Variants in SMYD3 observed in about 807,000 individuals in gnomAD.
SMYD3 encodes histone-lysine N-methyltransferase SMYD3.
A neutral mutation model predicts 57.7 loss-of-function variants in SMYD3; 36 were observed. That is an observed-to-expected ratio of 0.62 (90% confidence interval 0.48 to 0.82). The LOEUF (loss-of-function observed/expected upper bound fraction) is 0.82, where lower values mean the gene tolerates loss of function less well. SMYD3 is among the 40% of genes least tolerant of loss of function. The pLI, the probability that SMYD3 is intolerant of heterozygous loss-of-function variation, is 0.00. For missense variants in SMYD3, 515 were observed against 538.8 expected (o/e 0.96, Z 0.44); for synonymous variants, 211 against 195.0 (o/e 1.08, Z -0.68).
At chr1:245,965,074 A>G (rs1018021630) in intron 5 of SMYD3, among the ~76,000 whole-genome samples, 2 of 152,160 alleles carry the variant, frequency 1.3e-5, no homozygotes, top group Non-Finnish European at 2.9e-5. Context: ...ATATTTAAAA[A>G]AATACCCCAG....
chr1:245,835,818 T>C (rs2050078027), intron 10 of SMYD3, among the ~76,000 whole-genome samples: 2 of 152,226 alleles, frequency 1.3e-5, no homozygotes, highest in African/African-American at 2.4e-5. Context: ...ATCCAGGGTT[T>C]AGCAGGAGGC....
intron 1 of SMYD3, among the ~76,000 whole-genome samples, chr1:246,427,395 C>T (rs2067234027): frequency 6.6e-6 from 1 of 150,908 alleles, no homozygotes; most frequent in Admixed American, 6.6e-5. Flanking sequence ...TGGCGGGCGC[C>T]TGTAGTCCCA....
chr1:245,868,955 T>C lies in SMYD3; in HGVS notation c.814-5069A>G, dbSNP rs536918783. On this transcript the variant is annotated intron_variant, in intron 8 of 11. Coordinates refer to ENST00000490107, the MANE Select transcript of SMYD3 (RefSeq NM_001167740.2). ...GCATAATTTTAATCTTCTACTTTCCTAATTTGCAAATAGAAGAGTAAATTA... is the reference window on the plus strand; with the variant it reads ...GCATAATTTTAATCTTCTACTTTCCCAATTTGCAAATAGAAGAGTAAATTA... 2.6e-5 allele frequency among the ~76,000 whole-genome samples: 4 copies of C among 152,358 alleles called. No homozygotes were observed. In the South Asian group the frequency reaches 6.2e-4, roughly 24 times the overall value.
chr1:246,377,198 G>T (rs994942539), intron 1 of SMYD3, among the ~76,000 whole-genome samples: 2 of 152,088 alleles, frequency 1.3e-5, no homozygotes, highest in Non-Finnish European at 2.9e-5. Flanking sequence ...ACAAAAATAA[G>T]TTAGTGAGGA....
chr1:245,845,760 C>G (rs2050633079), intron 10 of SMYD3, among the ~76,000 whole-genome samples: 1 of 152,214 alleles, frequency 6.6e-6, no homozygotes, highest in African/African-American at 2.4e-5. Flanking sequence ...GTCCTTTCAT[C>G]AGTCTTTTTA....
At chr1:245,884,797 C>CAATCAGCACTCTGTAAAATGGACT (rs1277927460) in intron 8 of SMYD3, among the ~76,000 whole-genome samples, 2 of 151,350 alleles carry the variant, frequency 1.3e-5, no homozygotes, top group Non-Finnish European at 2.9e-5. Flanking sequence ...GTAAACGGAC[C>CAATCAGCACTCTGTAAAATGGACT]AATCAGCACT....
At chr1:246,070,724 A>C (rs1184776977) in intron 5 of SMYD3, among the ~76,000 whole-genome samples, 1 of 152,178 alleles carries the variant, frequency 6.6e-6, no homozygotes, top group Non-Finnish European at 1.5e-5. Flanking sequence ...GCAAAGTCCT[A>C]ATTAGTGCCC....
intron 5 of SMYD3, among the ~76,000 whole-genome samples, chr1:246,143,949 G>A (rs1388119552): frequency 6.6e-6 from 1 of 152,192 alleles, no homozygotes; most frequent in East Asian, 1.9e-4. Context: ...CCAGGCACTC[G>A]TTTCCTCACA....
chr1:246,300,726 AGTAC>A (rs1043968398), intron 5 of SMYD3, among the ~76,000 whole-genome samples: 1 of 152,144 alleles, frequency 6.6e-6, no homozygotes, highest in African/African-American at 2.4e-5. Flanking sequence ...GGATAATAAT[AGTAC>A]GTACCCCCAT....
intron 1 of SMYD3, among the ~76,000 whole-genome samples, chr1:246,453,352 G>A (rs1439613644): frequency 6.6e-6 from 1 of 152,152 alleles, no homozygotes; most frequent in Non-Finnish European, 1.5e-5. Context: ...AAATTCAAGG[G>A]AGAAAAAAGT....
At chr1:245,848,082 C>T (rs1184443954) in intron 10 of SMYD3, among the ~76,000 whole-genome samples, 1 of 148,516 alleles carries the variant, frequency 6.7e-6, no homozygotes. Flanking sequence ...GAAAGTCAGG[C>T]AAATGCAACA....
At chr1:245,806,727 G>A (rs986504467) in intron 10 of SMYD3, among the ~76,000 whole-genome samples, 1 of 151,550 alleles carries the variant, frequency 6.6e-6, no homozygotes, top group Admixed American at 6.6e-5. Context: ...TGGCTAACAA[G>A]GTGAAACCCC....
chr1:246,372,067 C>T (rs190973757), intron 1 of SMYD3, among the ~76,000 whole-genome samples: 1 of 152,292 alleles, frequency 6.6e-6, no homozygotes, highest in Admixed American at 6.5e-5. Context: ...AGCATGCTGC[C>T]TAGTTCCTAA....
At chr1:246,170,173 T>C (rs1417210963) in intron 5 of SMYD3, among the ~76,000 whole-genome samples, 2 of 152,014 alleles carry the variant, frequency 1.3e-5, no homozygotes, top group African/African-American at 4.8e-5. Flanking sequence ...AAACAATAAT[T>C]AAATAATATA....
chr1:246,360,219 C>T (rs996482034), intron 1 of SMYD3, among the ~76,000 whole-genome samples: 31 of 151,820 alleles, frequency 2.0e-4, no homozygotes, highest in African/African-American at 7.5e-4. Context: ...ACAATAGCTG[C>T]AAAAAAATAA....
chr1:246,411,837 A>AGGGG (rs936653062), intron 1 of SMYD3, among the ~76,000 whole-genome samples: 1 of 45,102 alleles, frequency 2.2e-5, no homozygotes. Context: ...GGGTTGGGGG[A>AGGGG]GGGGGGAGGG....
chr1:246,166,319 A>G (rs1269128841), intron 5 of SMYD3, among the ~76,000 whole-genome samples: 2 of 152,184 alleles, frequency 1.3e-5, no homozygotes, highest in Non-Finnish European at 2.9e-5. Flanking sequence ...ATGTTTGTAT[A>G]GGGTTCTTTC....
Position 245,794,942 on chromosome 1 carries a change from T to C in SMYD3, c.1077-30793A>G, listed in dbSNP as rs1211392483. Reference sequence around the variant, plus strand: ...GAATAAATTGAAAACTTTTATTCTATAATTTTATTTCCATATGGAGTGAAT... The same window carrying C: ...GAATAAATTGAAAACTTTTATTCTACAATTTTATTTCCATATGGAGTGAAT... On this transcript the variant is annotated intron_variant, in intron 10 of 11. Coordinates refer to ENST00000490107, the MANE Select transcript of SMYD3 (RefSeq NM_001167740.2). 3.3e-5 allele frequency among the ~76,000 whole-genome samples: 5 copies of C among 152,378 alleles called. No individual in the cohort carries two copies. In the East Asian group the frequency reaches 9.6e-4, roughly 29 times the overall value.
chr1:246,478,854 T>C lies in SMYD3; in HGVS notation c.164+28200A>G, dbSNP rs1394122492. ...TGTCCTCCGTCCTGGAGCTGGTACA[T>C]AAGTGCTCATATATGCACACCTGTC... is the stretch of plus-strand genomic sequence containing the variant. On this transcript the variant is annotated intron_variant, in intron 1 of 11. Coordinates refer to ENST00000490107, the MANE Select transcript of SMYD3 (RefSeq NM_001167740.2). Among the ~76,000 whole-genome samples the C allele has an allele frequency of 4.8e-5, 6 of 125,326 alleles. 1 individual carries two copies. The highest frequency in any genetic ancestry group is 8.2e-5 in the African/African-American group (3 of 36,438). 82.2% of individuals were successfully genotyped at this position (125,326 alleles called of 152,430 possible). A position where few individuals can be genotyped will look rare whatever the true frequency, so the allele number is the denominator to read the frequency against.
Sources: gnomAD v4.1 joint callset for allele counts (sites outside exome capture counted in the v4.1 genomes callset) on GRCh38, gnomAD v4.1.1 for gene constraint, MANE v1.5 for transcripts, NCBI Gene and HGNC (gene_info 2026-07-23, HGNC 2026-07-21) for gene names.